The following NRXN1 variants were observed in gnomAD, a reference collection of about 807,000 sequenced individuals.
NRXN1 encodes the protein neurexin-1.
NRXN1 carries 39 observed loss-of-function variants against 150.9 expected under a neutral mutation model. That is an observed-to-expected ratio of 0.26 (90% CI 0.20 to 0.34). The LOEUF is 0.34. Ranked by LOEUF, NRXN1 falls within the 10% of genes least tolerant of loss-of-function variation. NRXN1 has a pLI of 1.00. For missense variants in NRXN1, 1,815 were observed against 1,949.9 expected, an observed-to-expected ratio of 0.93 and a Z score of 1.30; for synonymous variants, 924 against 757.0, an observed-to-expected ratio of 1.22 and a Z score of -3.62.
chr2:50,108,789 T>C (rs1000295509), intron 18 of NRXN1, among the ~76,000 whole-genome samples: 8 of 152,054 alleles, frequency 5.3e-5, no homozygotes, highest in African/African-American at 1.9e-4. Context: ...TTGTCACCAA[T>C]AGGTCTTAGC....
intron 5 of NRXN1, among the ~76,000 whole-genome samples, chr2:50,791,054 G>A (rs1037580118): frequency 2.6e-4 from 38 of 148,676 alleles, no homozygotes; most frequent in African/African-American, 9.1e-4. Context: ...CTCAACAGAT[G>A]AAATAAACAG....
chr2:50,427,179 T>G (rs1398531495), intron 17 of NRXN1, among the ~76,000 whole-genome samples: 1 of 152,282 alleles, frequency 6.6e-6, no homozygotes, highest in Non-Finnish European at 1.5e-5. Context: ...ATACTTTAAT[T>G]ATAATCCATT....
intron 5 of NRXN1, among the ~76,000 whole-genome samples, chr2:50,635,890 C>G (rs576187249): frequency 6.6e-6 from 1 of 152,080 alleles, no homozygotes; most frequent in Non-Finnish European, 1.5e-5. Context: ...TACTTAAATT[C>G]TTTTCTTTCA....
intron 1 of NRXN1, among the ~76,000 whole-genome samples, chr2:51,029,744 A>G (rs1369221829): frequency 2.6e-5 from 4 of 152,238 alleles, no homozygotes; most frequent in Non-Finnish European, 5.9e-5. Context: ...TCACACAAGT[A>G]TAGTTCTCCT....
At chr2:50,853,713 T>A (rs1460791829) in intron 5 of NRXN1, among the ~76,000 whole-genome samples, 1 of 152,076 alleles carries the variant, frequency 6.6e-6, no homozygotes, top group Non-Finnish European at 1.5e-5. Flanking sequence ...CCTTACTGGA[T>A]AAATTGCTAA....
intron 17 of NRXN1, among the ~76,000 whole-genome samples, chr2:50,374,565 T>C (rs1233726563): frequency 6.6e-6 from 1 of 152,072 alleles, no homozygotes; most frequent in Non-Finnish European, 1.5e-5. Flanking sequence ...CTGAAGTTAC[T>C]ATTATCAACC....
chr2:49,938,552 T>A (rs1356053302), intron 22 of NRXN1, among the ~76,000 whole-genome samples: 11 of 152,004 alleles, frequency 7.2e-5, no homozygotes, highest in Admixed American at 7.2e-4. Context: ...GATATTTTAT[T>A]ATTCAATGGA....
chr2:50,164,430 G>T, intron 18 of NRXN1, among the ~76,000 whole-genome samples: 1 of 152,134 alleles, frequency 6.6e-6, no homozygotes, highest in East Asian at 1.9e-4. Context: ...AATATGGGAG[G>T]TCATGCTTTT....
intron 2 of NRXN1, among the ~76,000 whole-genome samples, chr2:50,963,044 ACT>A (rs1430829235): frequency 2.0e-5 from 3 of 151,796 alleles, no homozygotes; most frequent in East Asian, 3.9e-4. Flanking sequence ...AGGAAAAGAA[ACT>A]CTATTTCCTT....
chr2:50,689,767 A>G (rs1262400381), intron 5 of NRXN1, among the ~76,000 whole-genome samples: 1 of 152,062 alleles, frequency 6.6e-6, no homozygotes, highest in African/African-American at 2.4e-5. Context: ...AAAAGGAGTT[A>G]TTTTGAAATG....
chr2:50,780,657 T>C (rs573068249), intron 5 of NRXN1, among the ~76,000 whole-genome samples: 11 of 152,194 alleles, frequency 7.2e-5, no homozygotes, highest in Non-Finnish European at 1.6e-4. Context: ...CATGTTCTTT[T>C]TAATGTTGAA....
At chr2:50,373,634 G>T (rs1031443453) in intron 17 of NRXN1, among the ~76,000 whole-genome samples, 1 of 54,474 alleles carries the variant, frequency 1.8e-5, no homozygotes, top group African/African-American at 6.1e-5. Context: ...AGAAAAGAAA[G>T]AAAGAAAGAA....
chr2:50,779,684 C>A (rs112000498), intron 5 of NRXN1, among the ~76,000 whole-genome samples: 11,826 of 152,090 alleles, frequency 0.078, 596 homozygotes, highest in Middle Eastern at 0.16. Context: ...AGGAGAATGG[C>A]GTGAACCTGG....
intron 21 of NRXN1, among the ~76,000 whole-genome samples, chr2:49,946,522 C>T (rs919248068): frequency 9.9e-5 from 15 of 152,020 alleles, no homozygotes; most frequent in South Asian, 4.1e-4. Context: ...TTAGGTCTTA[C>T]GTTTAAGTCT....
At chr2:50,431,098 T>A (rs2084927635) in intron 17 of NRXN1, among the ~76,000 whole-genome samples, 1 of 152,184 alleles carries the variant, frequency 6.6e-6, no homozygotes, top group Admixed American at 6.5e-5. Context: ...ACCCGTGACA[T>A]CTTATTAACC....
At chr2:50,086,341 C>G (rs1265377111) in intron 19 of NRXN1, among the ~76,000 whole-genome samples, 1 of 152,070 alleles carries the variant, frequency 6.6e-6, no homozygotes, top group South Asian at 2.1e-4. Flanking sequence ...AATATGACTT[C>G]CTGAGCCCTG....
intron 17 of NRXN1, among the ~76,000 whole-genome samples, chr2:50,400,474 C>T (rs1018816333): frequency 6.6e-5 from 10 of 152,150 alleles, no homozygotes; most frequent in Middle Eastern, 3.4e-3. Flanking sequence ...ACTTAGATTT[C>T]TGATTGTAAT....
At chr2:50,193,692 G>C (rs2061581001) in intron 18 of NRXN1, among the ~76,000 whole-genome samples, 1 of 152,034 alleles carries the variant, frequency 6.6e-6, no homozygotes, top group South Asian at 2.1e-4. Context: ...GTACTTCAAA[G>C]ATACCCATTA....
intron 18 of NRXN1, among the ~76,000 whole-genome samples, chr2:50,131,240 A>T (rs1314257362): frequency 6.6e-6 from 1 of 152,190 alleles, no homozygotes; most frequent in East Asian, 1.9e-4. Flanking sequence ...TTTCCACTTA[A>T]TTAATCATTA....
Sources: gnomAD v4.1 joint callset for allele counts (sites outside exome capture counted in the v4.1 genomes callset) on GRCh38, gnomAD v4.1.1 for gene constraint, MANE v1.5 for transcripts, NCBI Gene and HGNC (gene_info 2026-07-23, HGNC 2026-07-21) for gene names.